Variants in COL16A1 observed in about 807,000 individuals in gnomAD.
COL16A1 encodes collagen alpha-1(XVI) chain.
Under a neutral mutation model 266.3 loss-of-function variants are expected in COL16A1, and 189 were observed. The ratio of observed to expected loss-of-function variants is 0.71; its 90% confidence interval spans 0.63 to 0.80. The LOEUF (loss-of-function observed/expected upper bound fraction) is 0.80. Among genes scored for constraint, COL16A1 ranks in the 30% least tolerant of loss-of-function variants. COL16A1 has a pLI of 0.00. For missense variants in COL16A1, 1,928 were observed against 2,122.4 expected, an observed-to-expected ratio of 0.91 and a Z score of 1.80; for synonymous variants, 740 against 782.3, an observed-to-expected ratio of 0.95 and a Z score of 0.90.
intron 59 of COL16A1, 33 bp downstream of exon 59, chr1:31,661,627 C>T: frequency 1.2e-6 from 2 of 1,613,976 alleles, no homozygotes; most frequent in Non-Finnish European, 8.5e-7. Flanking sequence ...TGCAACTTCG[C>T]AGCTTCCAAC....
intron 68 of COL16A1, among the ~76,000 whole-genome samples, chr1:31,654,535 T>G (rs886304388): frequency 6.6e-6 from 1 of 152,222 alleles, no homozygotes; most frequent in Admixed American, 6.5e-5. Flanking sequence ...TTAATACCAA[T>G]TTTCTTGTCT....
intron 48 of COL16A1, among the ~76,000 whole-genome samples, 183 bp downstream of exon 48, chr1:31,671,432 A>G (rs759502941): frequency 1.4e-4 from 21 of 152,168 alleles, no homozygotes; most frequent in Non-Finnish European, 2.5e-4. Flanking sequence ...GGGCGGTTCC[A>G]GGGCATCCGG....
intron 62 of COL16A1, chr1:31,659,813 C>A (rs935449790): frequency 6.6e-6 from 1 of 152,154 alleles, no homozygotes; most frequent in Non-Finnish European, 1.5e-5. Context: ...CCTACTGAGT[C>A]TCCAATGGGG....
intron 36 of COL16A1, 74 bp downstream of exon 36, chr1:31,683,120 C>T: frequency 6.2e-7 from 1 of 1,610,680 alleles, no homozygotes; most frequent in Non-Finnish European, 8.5e-7. Context: ...CACTTGGCCC[C>T]CATGTCCCCT....
intron 42 of COL16A1, among the ~76,000 whole-genome samples, chr1:31,677,735 C>T (rs773274054): frequency 2.0e-5 from 3 of 152,184 alleles, no homozygotes; most frequent in Non-Finnish European, 4.4e-5. Flanking sequence ...AATAAAGGAG[C>T]TGCTTGGCCC....
chr1:31,674,661 C>T lies in COL16A1; in HGVS notation c.2859+346G>A, dbSNP rs142889751. Among the ~76,000 whole-genome samples the T allele has an allele frequency of 4.1e-3, 624 of 152,378 alleles. 4 individuals carry two copies. The highest frequency in any genetic ancestry group is 0.014 in the African/African-American group (596 of 41,590). On this transcript the variant is annotated intron_variant, in intron 44 of 70. Transcript: ENST00000373672. ...CCCCACCACTGCACTTTCACCCCCT[C>T]TGCTTTGCTTTGGAAGCTGCTGGGC... is the stretch of plus-strand genomic sequence containing the variant.
In COL16A1 at chr1:31,668,041, A is replaced by C. The variant is rs1642292674; in HGVS notation, c.3303+124T>G. ...GGGCTGCATGGACTTTAGGCAAAGG[A>C]GGAGGCTGAAATGCCCGGTAATGGG... On this transcript the variant is annotated intron_variant, in intron 51 of 70. Transcript: ENST00000373672. The surrounding 1 kb of genome is among the most constrained non-coding windows in gnomAD (Gnocchi z 5.8). 1 of 791,576 alleles carries C rather than the reference A, an allele frequency of 1.3e-6. No homozygotes were observed. The highest frequency in any genetic ancestry group is 2.0e-6 in the Non-Finnish European group (1 of 488,184). The allele number at this position is 791,576 out of a possible 1,614,324, so 49.0% of individuals were successfully genotyped here.
rs748347142 is a variant in COL16A1, at chr1:31,680,027, C to CA, written c.2670+14dup. ...TCTCCCCCAGTTGGGGGAAGGCTCT[C>CA]ACAGCGCCACTTACCGGCATGCCAG... On this transcript the variant is annotated intron_variant, in intron 40 of 70. Transcript: ENST00000373672. 6 of 1,613,444 alleles carry CA rather than the reference C, an allele frequency of 3.7e-6. No homozygotes were observed. Among genetic ancestry groups the CA allele is most frequent in the Non-Finnish European group, 5.1e-6 (6 of 1,179,742 alleles).
chr1:31,669,578 C>T (rs574364706), intron 49 of COL16A1, among the ~76,000 whole-genome samples: 5 of 151,958 alleles, frequency 3.3e-5, no homozygotes, highest in Non-Finnish European at 5.9e-5. Context: ...GATGGCTAGA[C>T]GGACAGATGG....
At chr1:31,680,440 C>T (rs932672603) in intron 39 of COL16A1, among the ~76,000 whole-genome samples, 2 of 152,172 alleles carry the variant, frequency 1.3e-5, no homozygotes, top group Non-Finnish European at 2.9e-5. Flanking sequence ...CAGGTAATCT[C>T]GCTTTCAGTA....
intron 56 of COL16A1, 121 bp downstream of exon 56, chr1:31,665,051 A>G (rs1570390615): frequency 2.1e-6 from 3 of 1,439,666 alleles, no homozygotes; most frequent in Non-Finnish European, 2.8e-6. Context: ...CTCTTTTCCC[A>G]GCCTCAGTGC....
chr1:31,672,911 C>T, intron 44 of COL16A1, 71 bp from the exon 45 acceptor site: 1 of 1,432,218 alleles, frequency 7.0e-7, no homozygotes, highest in South Asian at 1.2e-5. Context: ...TGGGGAGCCC[C>T]AGTGAGAACC....
At chr1:31,683,555 C>T in intron 34 of COL16A1, 152 bp downstream of exon 34, 1 of 1,556,778 alleles carries the variant, frequency 6.4e-7, no homozygotes, top group East Asian at 2.2e-5. Context: ...GAAGCAACAG[C>T]AGGCCAGGGC....
rs1570525470 is a variant in COL16A1 at position 31,685,870 on chromosome 1, T to C, written c.1885-100A>G. 1.9e-6 allele frequency: 3 copies of C among 1,557,250 alleles called. No individual in the cohort carries two copies. Among genetic ancestry groups the C allele is most frequent in the South Asian group, 2.4e-5 (2 of 84,390 alleles). On this transcript the variant is annotated intron_variant, in intron 28 of 70. Transcript: ENST00000373672. This position sits in a 1 kb window ranked among gnomAD's most constrained non-coding sequence, Gnocchi z 4.0. Reference sequence around the variant, plus strand: ...TGGGGAATGTCACTGGGTCTGACACTGCACCTCTGCTGGGTGAGGGGTTAT... The same window carrying C: ...TGGGGAATGTCACTGGGTCTGACACCGCACCTCTGCTGGGTGAGGGGTTAT...
intron 49 of COL16A1, among the ~76,000 whole-genome samples, chr1:31,669,459 T>A (rs1038965551): frequency 6.6e-6 from 1 of 151,962 alleles, no homozygotes; most frequent in African/African-American, 2.4e-5. Flanking sequence ...CACCCCTAAT[T>A]CCTTACCCCA....
chr1:31,694,298 C>G, intron 11 of COL16A1, 128 bp from the exon 12 acceptor site: 1 of 663,472 alleles, frequency 1.5e-6, no homozygotes, highest in Non-Finnish European at 2.4e-6. Context: ...ATCCCAGCCC[C>G]TGCTCTGCTT....
chr1:31,662,674 G>GCC lies in COL16A1; in HGVS notation c.3556-18_3556-17dup, dbSNP rs71006318. 2.1e-3 allele frequency: 2,691 copies of GCC among 1,260,764 alleles called. 1 individual carries two copies. The highest frequency in any genetic ancestry group is 2.6e-3 in the Middle Eastern group (9 of 3,480). The allele number at this position is 1,260,764 out of a possible 1,614,324, so 78.1% of individuals were successfully genotyped here. Reference sequence around the variant, plus strand: ...CTTCGCTGCCCTGGAAACCAGCGCCGCCCCCCCCCCCCGCCCCACAATAAA... The same window carrying GCC: ...CTTCGCTGCCCTGGAAACCAGCGCCGCCCCCCCCCCCCCCGCCCCACAATAAA... On this transcript the variant is annotated splice_polypyrimidine_tract_variant and intron_variant, in intron 56 of 70. Coordinates refer to ENST00000373672, the MANE Select transcript of COL16A1 (RefSeq NM_001856.4).
At position 31,654,045 on chromosome 1, in the gene COL16A1, T is replaced by C. The variant is rs779960832; in HGVS notation, c.4358-2A>G. On this transcript the variant is annotated splice_acceptor_variant, in intron 68 of 70. Coordinates refer to ENST00000373672, the MANE Select transcript of COL16A1 (RefSeq NM_001856.4). LOFTEE classifies it high-confidence loss of function. The stretch of plus-strand genomic sequence containing the variant: ...TGGAGGTGTAGTAAGCCATTCTCTC[T>C]GTAAAAAAAGGACAAGGACAGGGAC... 2.5e-5 allele frequency: 40 copies of C among 1,611,174 alleles called. No homozygotes were observed. The highest frequency in any genetic ancestry group is 3.3e-5 in the Non-Finnish European group (39 of 1,178,556).
At chr1:31,677,718 A>C (rs886563650) in intron 42 of COL16A1, among the ~76,000 whole-genome samples, 1 of 152,158 alleles carries the variant, frequency 6.6e-6, no homozygotes, top group African/African-American at 2.4e-5. Context: ...GCCTGTTTCT[A>C]TACCTGAATA....
Sources: gnomAD v4.1 joint callset for allele counts (sites outside exome capture counted in the v4.1 genomes callset) on GRCh38, gnomAD v4.1.1 for gene constraint, Gnocchi (gnomAD v3.1) non-coding constraint, MANE v1.5 for transcripts, NCBI Gene and HGNC (gene_info 2026-07-23, HGNC 2026-07-21) for gene names.